ZFHX3: variants seen among roughly 807,000 people sequenced by gnomAD.
The protein encoded by ZFHX3 is zinc finger homeobox protein 3.
ZFHX3 carries 42 observed loss-of-function variants against 279.1 expected under a neutral mutation model. The observed-to-expected ratio is 0.15, with a 90% confidence interval of 0.12 to 0.19. ZFHX3 has a LOEUF of 0.19. ZFHX3 is among the 10% of genes least tolerant of loss of function. ZFHX3 has a pLI of 1.00. For synonymous variants in ZFHX3, 2,293 were observed against 1,957.8 expected, an observed-to-expected ratio of 1.17 and a Z score of -4.52; for missense variants, 4,981 against 4,754.0, an observed-to-expected ratio of 1.05 and a Z score of -1.40.
intron 7 of ZFHX3, chr16:73,093,908 G>A (rs1250821648): frequency 9.4e-6 from 2 of 213,834 alleles, no homozygotes; most frequent in African/African-American, 4.6e-5. Flanking sequence ...TGGGGCGGTG[G>A]TGCAGACAGC....
At position 72,795,373 on chromosome 16, in the gene ZFHX3, T is replaced by C. The variant is rs1196140173; in HGVS notation, c.7309A>G (p.Ser2437Gly). ...DEKPKLAEAPSAQPNQTQEKQ... is the reference protein window; with the variant it reads ...DEKPKLAEAPGAQPNQTQEKQ... ...TCTTGGGTTTGGTTTGGCTGTGCAC[T>C]GGGAGCTTCCGCCAGCTTTGGTTTC... is the stretch of plus-strand genomic sequence containing the variant. The change falls in exon 9 of 10, where the codon AGT (serine) becomes GGT (glycine). Residue 2437 changes from serine to glycine, a missense_variant. Ser to Gly is a moderately conservative substitution (Grantham distance 56). This residue lies in a region of ZFHX3 where 744 missense variants were observed against 701.3 expected (regional missense o/e 1.06). Coordinates refer to ENST00000268489, the MANE Select transcript of ZFHX3 (RefSeq NM_006885.4). The C allele has an allele frequency of 7.4e-6, 12 of 1,614,000 alleles. No individual in the cohort carries two copies. Among genetic ancestry groups the C allele is most frequent in the Non-Finnish European group, 1.0e-5 (12 of 1,180,022 alleles).
chr16:72,806,703 G>GA (rs1328702702), intron 7 of ZFHX3, among the ~76,000 whole-genome samples: 2 of 152,032 alleles, frequency 1.3e-5, no homozygotes, highest in East Asian at 1.9e-4. Context: ...GACGCTGACG[G>GA]AAAAAAATCA....
At chr16:73,673,887 G>T (rs2052928241) in intron 2 of ZFHX3, among the ~76,000 whole-genome samples, 1 of 152,152 alleles carries the variant, frequency 6.6e-6, no homozygotes, top group Non-Finnish European at 1.5e-5. Context: ...TCCAGATACA[G>T]ATCCAGGAAG....
chr16:73,876,344 T>C (rs1035687563), intron 1 of ZFHX3, among the ~76,000 whole-genome samples: 6 of 152,314 alleles, frequency 3.9e-5, no homozygotes, highest in Admixed American at 3.3e-4. Flanking sequence ...CATGTACACC[T>C]AGGCAGCTAA....
intron 5 of ZFHX3, among the ~76,000 whole-genome samples, chr16:73,192,800 G>A (rs1271888524): frequency 2.6e-5 from 4 of 152,154 alleles, no homozygotes; most frequent in African/African-American, 7.2e-5. Flanking sequence ...ATTGCTCATC[G>A]CACAAATGGG....
upstream of ZFHX3, chr16:73,061,714 G>GCC (rs1965686618): frequency 6.6e-6 from 1 of 151,580 alleles, no homozygotes; most frequent in African/African-American, 2.4e-5. Flanking sequence ...TCATAAAGCT[G>GCC]TTTATTTTTT....
intron 1 of ZFHX3, among the ~76,000 whole-genome samples, chr16:73,013,432 C>T: frequency 6.6e-6 from 1 of 152,078 alleles, no homozygotes; most frequent in East Asian, 1.9e-4. Context: ...GGACCACAGG[C>T]GTGTGCCACC....
chr16:73,181,098 T>C (rs1388290864), intron 5 of ZFHX3, among the ~76,000 whole-genome samples: 1 of 150,266 alleles, frequency 6.7e-6, no homozygotes, highest in Non-Finnish European at 1.5e-5. Context: ...TTGTTTTGTT[T>C]TGTTTTGTTT....
intron 4 of ZFHX3, among the ~76,000 whole-genome samples, chr16:73,304,808 T>C (rs1024777950): frequency 9.8e-5 from 15 of 152,316 alleles, no homozygotes; most frequent in African/African-American, 3.6e-4. Context: ...TCCATAAATC[T>C]GCCTCACCTG....
intron 7 of ZFHX3, among the ~76,000 whole-genome samples, chr16:73,121,404 C>T (rs1597164257): frequency 6.6e-6 from 1 of 152,024 alleles, no homozygotes; most frequent in East Asian, 1.9e-4. Flanking sequence ...TTTGTTTTTA[C>T]TTTTTAAAAT....
At position 73,655,924 on chromosome 16, in the gene ZFHX3, T is replaced by C. The variant is rs116981951; in HGVS notation, c.-1547+24256A>G. Among the ~76,000 whole-genome samples, 44 of 152,336 alleles carry C rather than the reference T, an allele frequency of 2.9e-4. No homozygotes were observed. The East Asian group carries it at 7.3e-3, about 25-fold the overall frequency. Reference sequence around the variant, plus strand: ...GCGCCAAAATACTTATGCAATAATGTATACATAGAAGCATTTTTGCAAAAT... The same window carrying C: ...GCGCCAAAATACTTATGCAATAATGCATACATAGAAGCATTTTTGCAAAAT... On this transcript the variant is annotated intron_variant, in intron 2 of 17. Transcript: ENST00000641206.
intron 2 of ZFHX3, among the ~76,000 whole-genome samples, chr16:73,481,686 T>G (rs1049200467): frequency 1.3e-5 from 2 of 152,044 alleles, no homozygotes; most frequent in East Asian, 3.9e-4. Context: ...AGAGATAGGG[T>G]CTCACTATGT....
intron 3 of ZFHX3, among the ~76,000 whole-genome samples, chr16:73,390,710 A>G (rs1413650515): frequency 1.3e-5 from 2 of 152,168 alleles, no homozygotes; most frequent in Non-Finnish European, 2.9e-5. Context: ...AACAGCCAGC[A>G]TTTGGTGGGA....
chr16:73,013,620 T>C (rs1963995489), intron 1 of ZFHX3, among the ~76,000 whole-genome samples: 2 of 152,150 alleles, frequency 1.3e-5, no homozygotes, highest in African/African-American at 4.8e-5. Context: ...CTTTTATTTT[T>C]CTCTCAAGTA....
intron 8 of ZFHX3, among the ~76,000 whole-genome samples, chr16:73,071,028 G>A (rs948232240): frequency 2.1e-4 from 1 of 4,764 alleles, no homozygotes; most frequent in Non-Finnish European, 4.6e-4. Flanking sequence ...CCTCCCCCCC[G>A]CCCCCCGCTT....
chr16:73,180,009 A>T (rs1967757047), intron 5 of ZFHX3, among the ~76,000 whole-genome samples: 1 of 152,240 alleles, frequency 6.6e-6, no homozygotes, highest in African/African-American at 2.4e-5. Context: ...CACTGCTTGA[A>T]TTACCACTAT....
chr16:73,095,083 C>CT (rs777529109), intron 7 of ZFHX3, among the ~76,000 whole-genome samples: 1 of 151,984 alleles, frequency 6.6e-6, no homozygotes, highest in Non-Finnish European at 1.5e-5. Context: ...AAATGCTTAT[C>CT]TTTTTTTACT....
At chr16:73,356,359 G>C (rs1014402431) in intron 3 of ZFHX3, among the ~76,000 whole-genome samples, 3 of 150,728 alleles carry the variant, frequency 2.0e-5, no homozygotes, top group African/African-American at 7.3e-5. Flanking sequence ...TCACTCTGGG[G>C]TTTTCCTCTT....
chr16:72,968,748 C>G (rs1401861983), intron 1 of ZFHX3, among the ~76,000 whole-genome samples: 3 of 152,154 alleles, frequency 2.0e-5, no homozygotes, highest in African/African-American at 7.2e-5. Flanking sequence ...CAGGCATGAG[C>G]CACTGTGCCC....
Sources: gnomAD v4.1 joint callset for allele counts (sites outside exome capture counted in the v4.1 genomes callset) on GRCh38, gnomAD v4.1.1 for gene constraint, gnomAD v4.1.1 regional missense constraint, MANE v1.5 for transcripts, NCBI Gene and HGNC (gene_info 2026-07-23, HGNC 2026-07-21) for gene names.